Variants in N4BP2 observed in about 807,000 individuals in gnomAD.
The protein encoded by N4BP2 is NEDD4 binding protein 2, also known as NEDD4-binding protein 2.
A neutral mutation model predicts 152.8 loss-of-function variants in N4BP2; 91 were observed. The ratio of observed to expected loss-of-function variants is 0.60; its 90% CI spans 0.50 to 0.71. The LOEUF is 0.71. Ranked by LOEUF, N4BP2 falls within the 30% of genes least tolerant of loss-of-function variation. N4BP2 has a pLI of 0.00. For missense variants in N4BP2, 1,923 were observed against 2,059.1 expected (o/e 0.93, Z 1.28); for synonymous variants, 646 against 705.3 (o/e 0.92, Z 1.33).
At chr4:40,184,949 C>T in the N4BP2 span, among the ~76,000 whole-genome samples, 1 of 151,476 alleles carries the variant, frequency 6.6e-6, no homozygotes, top group South Asian at 2.1e-4. Flanking sequence ...GAGCAAGACT[C>T]TGTCTCAAAA....
the N4BP2 span, among the ~76,000 whole-genome samples, chr4:40,172,849 A>G: frequency 4.6e-5 from 7 of 152,184 alleles, no homozygotes; most frequent in African/African-American, 1.7e-4. Flanking sequence ...AAAATCTCCA[A>G]ATCTTCAGCA....
chr4:40,097,261 C>T lies in N4BP2; in HGVS notation c.-80C>T. 6 of 1,148,176 alleles carry T rather than the reference C, an allele frequency of 5.2e-6. No individual in the cohort carries two copies. The highest frequency in any genetic ancestry group is 7.8e-6 in the Non-Finnish European group (6 of 773,182). The allele number at this position is 1,148,176 out of a possible 1,614,324, so 71.1% of individuals were successfully genotyped here. Reference sequence around the variant, plus strand: ...CTGCTGGATTGTGCAAGATATTTAACCCTATTTTGTTTGAATTATGACTTA... The same window carrying T: ...CTGCTGGATTGTGCAAGATATTTAATCCTATTTTGTTTGAATTATGACTTA... On this transcript the variant is annotated 5_prime_UTR_variant, in exon 3 of 18. Transcript: ENST00000261435.
chr4:40,095,545 T>C (rs1389801257), intron 2 of N4BP2, among the ~76,000 whole-genome samples: 1 of 152,176 alleles, frequency 6.6e-6, no homozygotes, highest in East Asian at 1.9e-4. Flanking sequence ...ATATGGCTGG[T>C]GGCTGCCATA....
At chr4:40,117,065 A>T (rs984480680) in intron 7 of N4BP2, among the ~76,000 whole-genome samples, 10 of 151,990 alleles carry the variant, frequency 6.6e-5, no homozygotes, top group Middle Eastern at 3.4e-3. Flanking sequence ...TGGATTTCTT[A>T]TTTTTTTATC....
At chr4:40,139,098 G>C (rs1284191906) in intron 14 of N4BP2, among the ~76,000 whole-genome samples, 2 of 152,018 alleles carry the variant, frequency 1.3e-5, no homozygotes. Flanking sequence ...ATGCACTATA[G>C]TTTTCAGAGT....
At chr4:40,140,417 G>A (rs966894748) in intron 14 of N4BP2, among the ~76,000 whole-genome samples, 4 of 152,142 alleles carry the variant, frequency 2.6e-5, no homozygotes, top group African/African-American at 9.7e-5. Flanking sequence ...AATATGCAAG[G>A]CACTGTGAGT....
the N4BP2 span, among the ~76,000 whole-genome samples, chr4:40,181,386 A>T: frequency 7.2e-5 from 11 of 152,306 alleles, no homozygotes; most frequent in East Asian, 2.1e-3. Context: ...ATACTAGCTC[A>T]TCTTGTAGAT....
At chr4:40,153,658 A>C (rs1721338890) in intron 17 of N4BP2, among the ~76,000 whole-genome samples, 1 of 152,222 alleles carries the variant, frequency 6.6e-6, no homozygotes, top group South Asian at 2.1e-4. Flanking sequence ...ATTTGGCTAC[A>C]TTATCGAAAA....
chr4:40,058,604 GTTGAC>G (rs1437331741), intron 1 of N4BP2, among the ~76,000 whole-genome samples: 7 of 152,148 alleles, frequency 4.6e-5, no homozygotes, highest in African/African-American at 1.7e-4. Flanking sequence ...TTGTGTACTT[GTTGAC>G]TTTAGTTAAT....
downstream of N4BP2, among the ~76,000 whole-genome samples, chr4:40,162,267 G>T (rs77772797): frequency 0.053 from 8,026 of 152,206 alleles, 635 homozygotes; most frequent in East Asian, 0.4. Flanking sequence ...TTCTGGGGGC[G>T]AAGGCAGGCA....
At chr4:40,179,292 C>T in the N4BP2 span, among the ~76,000 whole-genome samples, 8 of 152,268 alleles carry the variant, frequency 5.3e-5, no homozygotes, top group Admixed American at 2.6e-4. Context: ...ATGGCATGAA[C>T]CCGGGAGGCA....
intron 2 of N4BP2, among the ~76,000 whole-genome samples, chr4:40,095,795 A>G (rs1372753955): frequency 6.6e-6 from 1 of 152,176 alleles, no homozygotes; most frequent in Non-Finnish European, 1.5e-5. Context: ...TATCTTGAGG[A>G]AGAGTATATC....
the N4BP2 span, among the ~76,000 whole-genome samples, chr4:40,183,337 A>ATTTT: frequency 7.1e-6 from 1 of 139,998 alleles, no homozygotes; most frequent in Non-Finnish European, 1.5e-5. Flanking sequence ...TACTTTTTAC[A>ATTTT]TTTTTTTTTT....
At chr4:40,147,250 T>C (rs1306664607) in intron 16 of N4BP2, among the ~76,000 whole-genome samples, 1 of 151,622 alleles carries the variant, frequency 6.6e-6, no homozygotes, top group Non-Finnish European at 1.5e-5. Flanking sequence ...ATCAACAGGA[T>C]CCCAAGGCAG....
At chr4:40,147,472 C>A (rs1451577855) in intron 16 of N4BP2, among the ~76,000 whole-genome samples, 3 of 152,012 alleles carry the variant, frequency 2.0e-5, no homozygotes, top group Non-Finnish European at 4.4e-5. Flanking sequence ...GGGCTCCTCA[C>A]TTCCCAGAAG....
At chr4:40,105,476 T>C (rs942960656) in intron 4 of N4BP2, among the ~76,000 whole-genome samples, 3 of 151,694 alleles carry the variant, frequency 2.0e-5, no homozygotes, top group African/African-American at 7.3e-5. Flanking sequence ...AGGTATCTGC[T>C]GCCACCCCCA....
rs543343941 is a variant in N4BP2 at position 40,097,216 on chromosome 4, T to C, written c.-114-11T>C. 5 of 723,558 alleles carry C rather than the reference T, an allele frequency of 6.9e-6. No homozygotes were observed. The Admixed American group carries it at 7.6e-5, about 11-fold the overall frequency. 44.8% of individuals were successfully genotyped at this position (723,558 alleles called of 1,614,324 possible). On this transcript the variant is annotated splice_polypyrimidine_tract_variant and intron_variant, in intron 2 of 17. Coordinates refer to ENST00000261435, the MANE Select transcript of N4BP2 (RefSeq NM_018177.6). Reference sequence around the variant, plus strand: ...TATAGTCTGAGTGTTTTTAATTGCTTTCTATTTTAGGTCTTTTTACTGCTG... The same window carrying C: ...TATAGTCTGAGTGTTTTTAATTGCTCTCTATTTTAGGTCTTTTTACTGCTG...
intron 9 of N4BP2, among the ~76,000 whole-genome samples, chr4:40,122,518 C>T (rs924245862): frequency 3.3e-5 from 5 of 152,092 alleles, no homozygotes; most frequent in African/African-American, 1.2e-4. Context: ...GGATTATAGG[C>T]ATGTGCCACC....
At chr4:40,163,867 T>C in the N4BP2 span, among the ~76,000 whole-genome samples, 1 of 152,182 alleles carries the variant, frequency 6.6e-6, no homozygotes, top group Non-Finnish European at 1.5e-5. Context: ...CTAGGAAACA[T>C]GTTCAGAGAG....
Sources: gnomAD v4.1 joint callset for allele counts (sites outside exome capture counted in the v4.1 genomes callset) on GRCh38, gnomAD v4.1.1 for gene constraint, MANE v1.5 for transcripts, NCBI Gene and HGNC (gene_info 2026-07-23, HGNC 2026-07-21) for gene names.